Variants in LMNB2 observed in about 807,000 individuals in gnomAD.
LMNB2 encodes lamin-B2.
Under a neutral mutation model 69.3 loss-of-function variants are expected in LMNB2, and 17 were observed. The ratio of observed to expected loss-of-function variants is 0.25; its 90% CI spans 0.17 to 0.37. The LOEUF is 0.37. Ranked by LOEUF, LMNB2 falls within the 10% of genes least tolerant of loss-of-function variation. The probability of loss-of-function intolerance (pLI) is 1.00; values close to 1 mark genes in which losing one functional copy is unlikely to be tolerated. For synonymous variants in LMNB2, 397 were observed against 389.3 expected, an observed-to-expected ratio of 1.02 and a Z score of -0.23; for missense variants, 789 against 883.6, an observed-to-expected ratio of 0.89 and a Z score of 1.36.
chr19:2,454,292 C>CAAAAAAAAAA (rs58800585), intron 1 of LMNB2, among the ~76,000 whole-genome samples: 4 of 80,974 alleles, frequency 4.9e-5, no homozygotes, highest in Admixed American at 1.5e-4. Flanking sequence ...GACTCTATCT[C>CAAAAAAAAAA]AAAAAAAAAA....
At chr19:2,456,615 G>A in intron 1 of LMNB2, 55 bp downstream of exon 1, 1 of 1,365,340 alleles carries the variant, frequency 7.3e-7, no homozygotes. Context: ...GCGCCCCGCG[G>A]TGGGCGGGGC....
intron 8 of LMNB2, among the ~76,000 whole-genome samples, chr19:2,433,162 C>T (rs879171129): frequency 2.3e-4 from 22 of 95,900 alleles, no homozygotes; most frequent in South Asian, 4.2e-4. Context: ...GCTGGGTCAC[C>T]CCGTTACCCC....
chr19:2,432,490 G>C lies in LMNB2; in HGVS notation c.1516C>G (p.Gln506Glu), dbSNP rs745606526. ...QSLGNWRIKR[Q>E]VLEGEEIAYK... ...GCGATCTCCTCCCCCTCCAAGACCT[G>C]CCTCTTGATTCTCCAGTTCCCCAGA... is the stretch of plus-strand genomic sequence containing the variant. The change falls in exon 9 of 12, where the codon CAG becomes GAG. Residue 506 changes from glutamine (Q) to glutamate (E), a missense_variant. Coordinates refer to ENST00000325327, the MANE Select transcript of LMNB2 (RefSeq NM_032737.4). The C allele has an allele frequency of 3.1e-6, 5 of 1,613,818 alleles. No individual in the cohort carries two copies. In the South Asian group the frequency reaches 5.5e-5, roughly 18 times the overall value.
chr19:2,453,197 C>T lies in LMNB2; in HGVS notation c.264+3473G>A, dbSNP rs562150459. On this transcript the variant is annotated intron_variant, in intron 1 of 11. Coordinates refer to ENST00000325327, the MANE Select transcript of LMNB2 (RefSeq NM_032737.4). This position sits in a 1 kb window ranked among gnomAD's most constrained non-coding sequence, Gnocchi z 4.4. Reference sequence around the variant, plus strand: ...TGCCGTCTCCCTCCCAATGTGACAACCAAGGGCATGCCCAGCCTTGGCCAA... The same window carrying T: ...TGCCGTCTCCCTCCCAATGTGACAATCAAGGGCATGCCCAGCCTTGGCCAA... 6.6e-6 allele frequency among the ~76,000 whole-genome samples: 1 copy of T among 152,220 alleles called. No homozygotes were observed. Among genetic ancestry groups the T allele is most frequent in the East Asian group, 1.9e-4 (1 of 5,184 alleles).
chr19:2,448,134 A>C (rs946728601), intron 1 of LMNB2, among the ~76,000 whole-genome samples: 2 of 152,074 alleles, frequency 1.3e-5, no homozygotes, highest in African/African-American at 4.8e-5. Flanking sequence ...GCAGGCGATC[A>C]TCTGGGCCGT....
intron 1 of LMNB2, among the ~76,000 whole-genome samples, chr19:2,449,510 T>C (rs936958779): frequency 3.3e-5 from 5 of 152,232 alleles, no homozygotes; most frequent in African/African-American, 1.2e-4. Flanking sequence ...CCCGGTGCGC[T>C]GGTGCATGCC....
chr19:2,441,124 C>T (rs892608557), intron 2 of LMNB2, among the ~76,000 whole-genome samples: 7 of 152,250 alleles, frequency 4.6e-5, no homozygotes, highest in African/African-American at 1.7e-4. Context: ...ACACGAGCTA[C>T]GGGGCAGCCA....
chr19:2,448,672 CCT>C (rs1328395407), intron 1 of LMNB2, among the ~76,000 whole-genome samples: 3 of 152,102 alleles, frequency 2.0e-5, no homozygotes, highest in Middle Eastern at 3.4e-3. Context: ...ACGGTGAAAC[CCT>C]GTCTCTACTA....
At chr19:2,433,155 G>T in intron 8 of LMNB2, among the ~76,000 whole-genome samples, 1 of 89,044 alleles carries the variant, frequency 1.1e-5, no homozygotes, top group African/African-American at 4.6e-5. Flanking sequence ...CCCATCAGCT[G>T]GGTCACCCCG....
Position 2,430,289 on chromosome 19 carries a change from C to G in LMNB2, c.*622G>C. 5.7e-6 allele frequency: 1 copy of G among 174,108 alleles called. No homozygotes were observed. The highest frequency in any genetic ancestry group is 1.5e-4 in the East Asian group (1 of 6,612). The allele number at this position is 174,108 out of a possible 1,614,324, so 10.8% of individuals were successfully genotyped here. On this transcript the variant is annotated 3_prime_UTR_variant, in exon 12 of 12. Transcript: ENST00000325327. ...ACTCCCCCAAATAAAGTCAACGGTC[C>G]GAGAAACCCGGCCGGTGCGCTGCCA...
intron 2 of LMNB2, among the ~76,000 whole-genome samples, chr19:2,444,059 C>T (rs924669880): frequency 3.9e-5 from 6 of 152,178 alleles, no homozygotes; most frequent in African/African-American, 1.4e-4. Context: ...ACGGTGTCCA[C>T]TGGGTGCCGC....
In LMNB2 at chr19:2,452,946, A is replaced by G. The variant is rs140846407; in HGVS notation, c.264+3724T>C. 6.0e-3 allele frequency among the ~76,000 whole-genome samples: 603 copies of G among 100,758 alleles called. 6 individuals carry two copies. The highest frequency in any genetic ancestry group is 0.023 in the African/African-American group (574 of 25,308). 66.1% of individuals were successfully genotyped at this position (100,758 alleles called of 152,430 possible). On this transcript the variant is annotated intron_variant, in intron 1 of 11. Transcript: ENST00000325327. Reference sequence around the variant, plus strand: ...TCCTCATGGGGGCTGCGTCATCCTCATGGGGGCTGGGTCATCCTAATGGGG... The same window carrying G: ...TCCTCATGGGGGCTGCGTCATCCTCGTGGGGGCTGGGTCATCCTAATGGGG...
At chr19:2,455,101 A>G (rs896120407) in intron 1 of LMNB2, among the ~76,000 whole-genome samples, 4 of 152,010 alleles carry the variant, frequency 2.6e-5, no homozygotes, top group Admixed American at 1.3e-4. Flanking sequence ...TGGGACCCCA[A>G]GGTATCAGAA....
intron 1 of LMNB2, 102 bp from the exon 2 acceptor site, chr19:2,444,642 G>T: frequency 6.8e-7 from 1 of 1,464,108 alleles, no homozygotes; most frequent in Non-Finnish European, 9.4e-7. Context: ...CCCAGGGACT[G>T]GCACGCAGAG....
At position 2,430,588 on chromosome 19, in the gene LMNB2, G is replaced by T; in HGVS notation, c.*323C>A. The T allele has an allele frequency of 2.2e-6, 1 of 446,038 alleles. No homozygotes were observed. The highest frequency in any genetic ancestry group is 4.2e-6 in the Non-Finnish European group (1 of 240,452). The allele number at this position is 446,038 out of a possible 1,614,324, so 27.6% of individuals were successfully genotyped here. Reference sequence around the variant, plus strand: ...CAGCAGGGCCGTCTCCTGTCCCCTCGCTAGCCTCGCCGGCCCTCCTCCCTC... The same window carrying T: ...CAGCAGGGCCGTCTCCTGTCCCCTCTCTAGCCTCGCCGGCCCTCCTCCCTC... On this transcript the variant is annotated 3_prime_UTR_variant, in exon 12 of 12. Transcript: ENST00000325327.
intron 1 of LMNB2, among the ~76,000 whole-genome samples, chr19:2,456,299 C>A (rs938555611): frequency 5.4e-5 from 8 of 148,452 alleles, no homozygotes; most frequent in African/African-American, 2.0e-4. Context: ...CTCCTGGAGA[C>A]CCCCGAGCCG....
rs1462060116 is a variant in LMNB2 at position 2,434,211 on chromosome 19, A to G, written c.1202+84T>C. ...GGCCCCACCTCCACCCCTGCCCAGC[A>G]CTCCCCGCAGCCCCGTCCCGCCTCT... On this transcript the variant is annotated intron_variant, in intron 7 of 11. Transcript: ENST00000325327. 3 of 1,531,866 alleles carry G rather than the reference A, an allele frequency of 2.0e-6. No individual in the cohort carries two copies. In the East Asian group the frequency reaches 7.2e-5, roughly 37 times the overall value. 94.9% of individuals were successfully genotyped at this position (1,531,866 alleles called of 1,614,324 possible). A position where few individuals can be genotyped will look rare whatever the true frequency, so the allele number is the denominator to read the frequency against.
At chr19:2,437,684 C>T (rs943699163) in intron 4 of LMNB2, among the ~76,000 whole-genome samples, 3 of 151,778 alleles carry the variant, frequency 2.0e-5, no homozygotes, top group Non-Finnish European at 4.4e-5. Flanking sequence ...GCCTATAATC[C>T]AGCTACTCGG....
At chr19:2,431,695 C>T (rs371265703) in intron 10 of LMNB2, 37 bp from the exon 11 acceptor site, 78 of 1,613,856 alleles carry the variant, frequency 4.8e-5, no homozygotes, top group Non-Finnish European at 5.9e-5. Flanking sequence ...GTCCCGGGAT[C>T]GGGCCCAGAG....
Sources: gnomAD v4.1 joint callset for allele counts (sites outside exome capture counted in the v4.1 genomes callset) on GRCh38, gnomAD v4.1.1 for gene constraint, Gnocchi (gnomAD v3.1) non-coding constraint, MANE v1.5 for transcripts, NCBI Gene and HGNC (gene_info 2026-07-23, HGNC 2026-07-21) for gene names.